RBFOX1: variants seen among roughly 807,000 people sequenced by gnomAD.
The protein encoded by RBFOX1 is RNA binding fox-1 homolog 1.
Under a neutral mutation model 57.7 loss-of-function variants are expected in RBFOX1, and 8 were observed. The ratio of observed to expected loss-of-function variants is 0.14; its 90% confidence interval spans 0.08 to 0.25. The LOEUF (loss-of-function observed/expected upper bound fraction) is 0.25, where lower values mean the gene tolerates loss of function less well. Ranked by LOEUF, RBFOX1 falls within the 10% of genes least tolerant of loss-of-function variation. The pLI is 1.00. For missense variants in RBFOX1, 611 were observed against 548.5 expected, an observed-to-expected ratio of 1.11 and a Z score of -1.14; for synonymous variants, 326 against 222.4, an observed-to-expected ratio of 1.47 and a Z score of -4.15.
At chr16:6,555,509 C>T (rs1023371726) in intron 2 of RBFOX1, among the ~76,000 whole-genome samples, 22 of 152,060 alleles carry the variant, frequency 1.4e-4, no homozygotes, top group Non-Finnish European at 4.4e-5. Context: ...ACCATCCTGG[C>T]TAACACAGTG....
At chr16:5,917,364 T>G (rs2058728706) in intron 4 of RBFOX1, among the ~76,000 whole-genome samples, 1 of 152,234 alleles carries the variant, frequency 6.6e-6, no homozygotes, top group African/African-American at 2.4e-5. Flanking sequence ...TATGTGCATC[T>G]TACGGTGAAT....
intron 3 of RBFOX1, among the ~76,000 whole-genome samples, chr16:7,017,946 G>A (rs1249738405): frequency 3.3e-5 from 5 of 152,194 alleles, no homozygotes; most frequent in Non-Finnish European, 5.9e-5. Context: ...TCGGCGACGT[G>A]TGAATTAGGT....
chr16:6,779,730 T>C (rs2080034920), intron 3 of RBFOX1, among the ~76,000 whole-genome samples: 1 of 85,882 alleles, frequency 1.2e-5, no homozygotes, highest in Admixed American at 1.9e-4. Flanking sequence ...TATTTATATA[T>C]TTTTATATAT....
At chr16:6,314,541 A>G (rs1428518744) in intron 1 of RBFOX1, among the ~76,000 whole-genome samples, 2 of 152,110 alleles carry the variant, frequency 1.3e-5, no homozygotes, top group South Asian at 2.1e-4. Flanking sequence ...GCAGTTTAGG[A>G]TGAGAGAAGG....
At chr16:5,797,329 T>A (rs1030068256) in intron 3 of RBFOX1, among the ~76,000 whole-genome samples, 1 of 152,224 alleles carries the variant, frequency 6.6e-6, no homozygotes, top group South Asian at 2.1e-4. Context: ...TAAGTGTGTG[T>A]CCACACCCAC....
At position 7,711,806 on chromosome 16, in the gene RBFOX1, T is replaced by C. The variant is rs961264825; in HGVS notation, c.*1061T>C. The C allele has an allele frequency of 2.0e-5, 3 of 152,594 alleles. No individual in the cohort carries two copies. Among genetic ancestry groups the C allele is most frequent in the African/African-American group, 7.2e-5 (3 of 41,444 alleles). 9.5% of individuals were successfully genotyped at this position (152,594 alleles called of 1,614,324 possible). A position where few individuals can be genotyped will look rare whatever the true frequency, so the allele number is the denominator to read the frequency against. On this transcript the variant is annotated 3_prime_UTR_variant, in exon 16 of 16. Coordinates refer to ENST00000550418, the MANE Select transcript of RBFOX1 (RefSeq NM_018723.4). ...TACATGATAATCATATTCGGATTTA[T>C]AGAAGCATTTTACAAGTATTGCAAT...
At chr16:5,646,218 G>C (rs1404813657) in intron 3 of RBFOX1, among the ~76,000 whole-genome samples, 1 of 144,952 alleles carries the variant, frequency 6.9e-6, no homozygotes, top group Admixed American at 7.1e-5. Flanking sequence ...GTGGAGACAG[G>C]GTTTCACCGT....
chr16:5,944,279 C>T (rs1259268432), intron 4 of RBFOX1, among the ~76,000 whole-genome samples: 1 of 152,174 alleles, frequency 6.6e-6, no homozygotes, highest in African/African-American at 2.4e-5. Context: ...TTGCTTATCT[C>T]TAGGAATGGA....
chr16:5,727,779 C>G (rs9932665), intron 3 of RBFOX1, among the ~76,000 whole-genome samples: 1 of 151,912 alleles, frequency 6.6e-6, no homozygotes, highest in Non-Finnish European at 1.5e-5. Flanking sequence ...CCTCAAACTT[C>G]TGGATTCACG....
At chr16:6,573,923 G>A (rs987725289) in intron 2 of RBFOX1, 3 of 152,194 alleles carry the variant, frequency 2.0e-5, no homozygotes, top group Non-Finnish European at 4.4e-5. Flanking sequence ...AGGAAGACAG[G>A]CAAGCCATAC....
intron 1 of RBFOX1, among the ~76,000 whole-genome samples, chr16:5,448,856 G>A (rs920016335): frequency 3.4e-4 from 52 of 152,116 alleles, no homozygotes; most frequent in Admixed American, 2.9e-3. Context: ...CTCTGTCCTC[G>A]AAGACATTTT....
At chr16:6,410,536 C>T (rs2093426580) in intron 2 of RBFOX1, among the ~76,000 whole-genome samples, 1 of 151,938 alleles carries the variant, frequency 6.6e-6, no homozygotes, top group African/African-American at 2.4e-5. Context: ...TGGTCTGGAT[C>T]TCCTGACCTC....
chr16:5,577,880 C>T (rs1200687892), intron 2 of RBFOX1, among the ~76,000 whole-genome samples: 1 of 152,134 alleles, frequency 6.6e-6, no homozygotes. Flanking sequence ...TATAAAGAGC[C>T]TCATGTTAGA....
intron 1 of RBFOX1, among the ~76,000 whole-genome samples, chr16:6,182,714 C>A (rs551813697): frequency 6.6e-6 from 1 of 152,172 alleles, no homozygotes; most frequent in Non-Finnish European, 1.5e-5. Flanking sequence ...TTCTGACCAC[C>A]TGTGGACATT....
At chr16:5,555,305 G>A (rs1190747756) in intron 2 of RBFOX1, among the ~76,000 whole-genome samples, 1 of 152,070 alleles carries the variant, frequency 6.6e-6, no homozygotes, top group Non-Finnish European at 1.5e-5. Context: ...TCAGATTGGA[G>A]TGCAGTGGTG....
intron 4 of RBFOX1, among the ~76,000 whole-genome samples, chr16:7,397,266 T>C (rs1291259729): frequency 6.6e-6 from 1 of 152,208 alleles, no homozygotes; most frequent in East Asian, 1.9e-4. Flanking sequence ...GTATTGTGTT[T>C]AAATCTGGGG....
chr16:6,956,788 A>G (rs1359679334), intron 3 of RBFOX1, among the ~76,000 whole-genome samples: 5 of 152,172 alleles, frequency 3.3e-5, no homozygotes, highest in East Asian at 1.9e-4. Context: ...CGCTTGGGGT[A>G]TCTCATGTGG....
chr16:5,643,431 A>C (rs1268950308), intron 3 of RBFOX1, among the ~76,000 whole-genome samples: 1 of 152,112 alleles, frequency 6.6e-6, no homozygotes, highest in Non-Finnish European at 1.5e-5. Flanking sequence ...TTCTCCAAGG[A>C]AGACAAGGTT....
At chr16:7,070,975 C>T (rs1434244145) in intron 4 of RBFOX1, among the ~76,000 whole-genome samples, 9 of 152,106 alleles carry the variant, frequency 5.9e-5, no homozygotes, top group Admixed American at 5.2e-4. Context: ...CAATTTTGCC[C>T]AGAGTGGCAT....
Sources: allele counts gnomAD v4.1 joint callset (sites outside exome capture counted in the v4.1 genomes callset), GRCh38; gene constraint gnomAD v4.1.1; transcripts MANE v1.5; gene names NCBI Gene and HGNC (gene_info 2026-07-23, HGNC 2026-07-21).